The following PRKCB variants were observed in gnomAD, a reference collection of about 807,000 sequenced individuals.
PRKCB encodes protein kinase C beta type.
PRKCB carries 13 observed loss-of-function variants against 81.5 expected under a neutral mutation model. The ratio of observed to expected loss-of-function variants is 0.16; its 90% CI spans 0.10 to 0.25. PRKCB has a LOEUF of 0.25. Ranked by LOEUF, PRKCB falls within the 10% of genes least tolerant of loss-of-function variation. PRKCB has a pLI of 1.00. For synonymous variants in PRKCB, 335 were observed against 321.4 expected, an observed-to-expected ratio of 1.04 and a Z score of -0.45; for missense variants, 509 against 875.7, an observed-to-expected ratio of 0.58 and a Z score of 5.29.
At chr16:23,861,397 G>A (rs1455115106) in intron 2 of PRKCB, among the ~76,000 whole-genome samples, 1 of 152,038 alleles carries the variant, frequency 6.6e-6, no homozygotes, top group Non-Finnish European at 1.5e-5. Context: ...TTGAATTTGG[G>A]CTCAAGCAAT....
Position 23,909,383 on chromosome 16 carries a change from C to T in PRKCB, c.205+71977C>T, listed in dbSNP as rs1963616256. On this transcript the variant is annotated intron_variant, in intron 2 of 16. Coordinates refer to ENST00000643927, the MANE Select transcript of PRKCB (RefSeq NM_002738.7). ...GGAGGTCTGAGGTTCTTGGCGAGAC[C>T]CTCCTCTTGGCTTATAGATAACCTC... is the stretch of plus-strand genomic sequence containing the variant. Among the ~76,000 whole-genome samples the T allele has an allele frequency of 2.0e-5, 3 of 152,226 alleles. No homozygotes were observed. In the South Asian group the frequency reaches 6.2e-4, roughly 32 times the overall value.
At chr16:23,984,896 AGGG>A (rs1964782824) in intron 2 of PRKCB, among the ~76,000 whole-genome samples, 1 of 152,208 alleles carries the variant, frequency 6.6e-6, no homozygotes, top group African/African-American at 2.4e-5. Context: ...GTTGAATAAA[AGGG>A]AAAGTTAAAC....
intron 8 of PRKCB, among the ~76,000 whole-genome samples, chr16:24,122,971 T>C (rs184937405): frequency 6.6e-6 from 1 of 152,206 alleles, no homozygotes; most frequent in Non-Finnish European, 1.5e-5. Flanking sequence ...CATCCATTTA[T>C]GCAACAAATA....
chr16:24,087,812 A>G (rs1596542322), intron 5 of PRKCB, among the ~76,000 whole-genome samples: 1 of 152,292 alleles, frequency 6.6e-6, no homozygotes, highest in African/African-American at 2.4e-5. Flanking sequence ...TGTCTTAGAG[A>G]ACTTGGACCA....
intron 2 of PRKCB, among the ~76,000 whole-genome samples, chr16:23,957,089 A>T (rs1416303636): frequency 6.6e-6 from 1 of 151,876 alleles, no homozygotes; most frequent in African/African-American, 2.4e-5. Flanking sequence ...AAGATTAGAC[A>T]GTTTCAATTA....
chr16:23,855,310 A>G (rs557564356), intron 2 of PRKCB, among the ~76,000 whole-genome samples: 16 of 152,266 alleles, frequency 1.1e-4, no homozygotes, highest in East Asian at 9.7e-4. Flanking sequence ...CTCCCCAATC[A>G]CATGTGGGGT....
chr16:24,137,044 A>ATT (rs11321761), intron 9 of PRKCB, among the ~76,000 whole-genome samples: 860 of 139,602 alleles, frequency 6.2e-3, no homozygotes, highest in Non-Finnish European at 9.5e-3. Context: ...TGCCCGGCTA[A>ATT]TTTTTTTTTT....
Position 24,134,090 on chromosome 16 carries a change from G to A in PRKCB, c.1065+10109G>A, listed in dbSNP as rs577141742. On this transcript the variant is annotated intron_variant, in intron 9 of 16. Transcript: ENST00000643927. ...TTTTTATTGTTTTTGTAGAGACAGG[G>A]TCCCACTTTGTTGCCCAGGCTGGTC... Among the ~76,000 whole-genome samples, 54 of 152,014 alleles carry A rather than the reference G, an allele frequency of 3.6e-4. 1 individual carries two copies. The South Asian group carries it at 8.3e-3, about 23-fold the overall frequency.
chr16:23,985,516 A>G (rs976458558), intron 2 of PRKCB, among the ~76,000 whole-genome samples: 1 of 152,228 alleles, frequency 6.6e-6, no homozygotes, highest in Non-Finnish European at 1.5e-5. Flanking sequence ...TGTAGGACTT[A>G]TATGGAGAAA....
chr16:24,055,854 G>A (rs779714336), intron 5 of PRKCB, among the ~76,000 whole-genome samples: 24 of 152,050 alleles, frequency 1.6e-4, no homozygotes, highest in Non-Finnish European at 3.4e-4. Context: ...TCTCTCTCTC[G>A]AAATATAAAT....
chr16:23,849,425 C>T (rs907146633), intron 2 of PRKCB, among the ~76,000 whole-genome samples: 3 of 152,130 alleles, frequency 2.0e-5, no homozygotes, highest in Admixed American at 6.5e-5. Context: ...ATCTTCTTTC[C>T]CTCCCTAAAG....
intron 16 of PRKCB, among the ~76,000 whole-genome samples, chr16:24,213,078 A>C (rs1968171287): frequency 6.6e-6 from 1 of 151,824 alleles, no homozygotes; most frequent in Admixed American, 6.6e-5. Context: ...TCTGTCACCC[A>C]GGCTGGAGTG....
At chr16:24,136,865 A>ATTTTT (rs1205135669) in intron 9 of PRKCB, among the ~76,000 whole-genome samples, 1 of 151,750 alleles carries the variant, frequency 6.6e-6, no homozygotes, top group Non-Finnish European at 1.5e-5. Flanking sequence ...TTTTATTTTA[A>ATTTTT]TTTTTTTATT....
At chr16:24,172,502 G>T in intron 11 of PRKCB, 141 bp downstream of exon 11, 2 of 672,326 alleles carry the variant, frequency 3.0e-6, no homozygotes, top group East Asian at 2.8e-5. Flanking sequence ...AGGGAAGAAA[G>T]GTGTTCTGCT....
chr16:24,149,609 A>C (rs1382388370), intron 9 of PRKCB, among the ~76,000 whole-genome samples: 1 of 152,218 alleles, frequency 6.6e-6, no homozygotes, highest in Non-Finnish European at 1.5e-5. Flanking sequence ...GCAGACTCCC[A>C]GGTCACAGCC....
chr16:24,065,064 T>C (rs1017913089), intron 5 of PRKCB, among the ~76,000 whole-genome samples: 9 of 147,960 alleles, frequency 6.1e-5, no homozygotes, highest in African/African-American at 2.0e-4. Flanking sequence ...AATATAAATA[T>C]ATATATATTT....
intron 9 of PRKCB, among the ~76,000 whole-genome samples, chr16:24,133,224 A>G (rs1166309927): frequency 1.3e-5 from 2 of 152,110 alleles, no homozygotes; most frequent in African/African-American, 4.8e-5. Context: ...AACAAAAAAA[A>G]ATTGCATGCC....
At chr16:23,906,138 T>C (rs935441623) in intron 2 of PRKCB, among the ~76,000 whole-genome samples, 3 of 152,220 alleles carry the variant, frequency 2.0e-5, no homozygotes, top group African/African-American at 7.2e-5. Flanking sequence ...TGAATTGCTT[T>C]CTGTACAGGA....
At chr16:23,879,618 C>T (rs928136834) in intron 2 of PRKCB, among the ~76,000 whole-genome samples, 2 of 151,242 alleles carry the variant, frequency 1.3e-5, no homozygotes, top group Non-Finnish European at 2.9e-5. Context: ...CTAGGCCTCC[C>T]GAGTAGCTGG....
Sources: gnomAD v4.1 joint callset for allele counts (sites outside exome capture counted in the v4.1 genomes callset) on GRCh38, gnomAD v4.1.1 for gene constraint, MANE v1.5 for transcripts, NCBI Gene and HGNC (gene_info 2026-07-23, HGNC 2026-07-21) for gene names.